The following CPED1 variants were observed in gnomAD, a reference collection of about 807,000 sequenced individuals.
The protein encoded by CPED1 is cadherin-like and PC-esterase domain-containing protein 1.
Under a neutral mutation model 128.2 loss-of-function variants are expected in CPED1, and 114 were observed. The ratio of observed to expected loss-of-function variants is 0.89; its 90% CI spans 0.76 to 1.04. The LOEUF is 1.04. Ranked by LOEUF, CPED1 falls within the 50% of genes least tolerant of loss-of-function variation. The pLI is 0.00. For synonymous variants in CPED1, 462 were observed against 426.7 expected (o/e 1.08, Z -1.02); for missense variants, 1,211 against 1,207.1 (o/e 1.00, Z -0.05).
At position 121,164,973 on chromosome 7, in the gene CPED1, C is replaced by A. The variant is rs551607255; in HGVS notation, c.2055+22832C>A. On this transcript the variant is annotated intron_variant, in intron 16 of 22. Coordinates refer to ENST00000310396, the MANE Select transcript of CPED1 (RefSeq NM_024913.5). ...ATTTTCTCAACTTTTCTGACTCTTC[C>A]TATAAGTGATTCTGAACATCAAAGG... is the stretch of plus-strand genomic sequence containing the variant. Among the ~76,000 whole-genome samples, 6 of 152,228 alleles carry A rather than the reference C, an allele frequency of 3.9e-5. No homozygotes were observed. The East Asian group carries it at 1.2e-3, about 29-fold the overall frequency.
chr7:121,014,324 G>C (rs1485227512), intron 2 of CPED1, among the ~76,000 whole-genome samples: 1 of 152,098 alleles, frequency 6.6e-6, no homozygotes, highest in Non-Finnish European at 1.5e-5. Flanking sequence ...AGGCCGAGGT[G>C]GGCGGATCAC....
intron 16 of CPED1, among the ~76,000 whole-genome samples, chr7:121,154,796 G>T (rs1796247775): frequency 6.6e-6 from 1 of 152,176 alleles, no homozygotes; most frequent in Admixed American, 6.5e-5. Context: ...CGCCCACCTC[G>T]GCCTCCCAAA....
At chr7:121,034,669 A>C (rs1241631919) in intron 3 of CPED1, among the ~76,000 whole-genome samples, 1 of 152,198 alleles carries the variant, frequency 6.6e-6, no homozygotes, top group Non-Finnish European at 1.5e-5. Flanking sequence ...TTACAAAGGT[A>C]AGACCTTTCA....
chr7:121,255,976 A>G (rs967402890), intron 18 of CPED1, among the ~76,000 whole-genome samples: 6 of 151,976 alleles, frequency 3.9e-5, no homozygotes, highest in Non-Finnish European at 5.9e-5. Context: ...TAAAATGGCC[A>G]TACTGCCCAA....
At chr7:121,092,417 T>G (rs1292798693) in intron 5 of CPED1, among the ~76,000 whole-genome samples, 2 of 152,174 alleles carry the variant, frequency 1.3e-5, no homozygotes, top group African/African-American at 4.8e-5. Context: ...AAGTATAGAT[T>G]TATCTGAGAT....
At chr7:121,071,615 A>T (rs1793991304) in intron 5 of CPED1, among the ~76,000 whole-genome samples, 2 of 152,018 alleles carry the variant, frequency 1.3e-5, no homozygotes, top group Admixed American at 1.3e-4. Context: ...TCCTGGGTTC[A>T]AATGATCCTT....
intron 22 of CPED1, among the ~76,000 whole-genome samples, chr7:121,286,979 G>T (rs375863010): frequency 3.1e-4 from 47 of 152,292 alleles, no homozygotes; most frequent in African/African-American, 1.0e-3. Flanking sequence ...GGAAGGAGAA[G>T]TGCCAAGTGA....
At position 121,147,605 on chromosome 7, in the gene CPED1, A is replaced by G. The variant is rs115621737; in HGVS notation, c.2055+5464A>G. ...GTTTTGACATGGGGAACAATATAAT[A>G]TTCACACAAGTTGATTTGTATAGAT... On this transcript the variant is annotated intron_variant, in intron 16 of 22. Coordinates refer to ENST00000310396, the MANE Select transcript of CPED1 (RefSeq NM_024913.5). Among the ~76,000 whole-genome samples the G allele has an allele frequency of 9.6e-3, 1,454 of 152,226 alleles. 24 individuals are homozygous for G. The highest frequency in any genetic ancestry group is 0.033 in the African/African-American group (1,356 of 41,548).
intron 14 of CPED1, among the ~76,000 whole-genome samples, chr7:121,137,316 C>A (rs535951815): frequency 7.2e-4 from 110 of 152,076 alleles, no homozygotes; most frequent in African/African-American, 2.6e-3. Flanking sequence ...GGACTATAGG[C>A]ATGAGCTACT....
At chr7:121,212,206 C>T (rs1464142403) in intron 16 of CPED1, among the ~76,000 whole-genome samples, 1 of 152,018 alleles carries the variant, frequency 6.6e-6, no homozygotes, top group Non-Finnish European at 1.5e-5. Flanking sequence ...TTTACTCAGT[C>T]CCCAAATGCA....
chr7:121,187,909 T>C (rs1797040365), intron 16 of CPED1, among the ~76,000 whole-genome samples: 1 of 152,136 alleles, frequency 6.6e-6, no homozygotes, highest in South Asian at 2.1e-4. Flanking sequence ...CCTCTTGATA[T>C]GATGCAATGA....
intron 22 of CPED1, among the ~76,000 whole-genome samples, chr7:121,290,050 T>C (rs1462161715): frequency 1.3e-5 from 2 of 152,178 alleles, no homozygotes; most frequent in Non-Finnish European, 2.9e-5. Context: ...AGTGAGACCA[T>C]GCGGTGTTTG....
chr7:121,002,885 T>C (rs1791900359), intron 2 of CPED1, among the ~76,000 whole-genome samples: 1 of 152,206 alleles, frequency 6.6e-6, no homozygotes, highest in South Asian at 2.1e-4. Flanking sequence ...CAATAATGTG[T>C]ACGTAATCCT....
chr7:121,238,124 G>A (rs1798302371), intron 17 of CPED1, among the ~76,000 whole-genome samples: 1 of 152,136 alleles, frequency 6.6e-6, no homozygotes, highest in African/African-American at 2.4e-5. Flanking sequence ...TTCAAGAAGT[G>A]GCAGCTTGTT....
intron 16 of CPED1, among the ~76,000 whole-genome samples, chr7:121,147,610 C>T (rs193175198): frequency 6.6e-6 from 1 of 152,128 alleles, no homozygotes; most frequent in Non-Finnish European, 1.5e-5. Flanking sequence ...ATAATATTCA[C>T]ACAAGTTGAT....
At chr7:121,028,956 T>C (rs1322156554) in intron 3 of CPED1, among the ~76,000 whole-genome samples, 2 of 152,128 alleles carry the variant, frequency 1.3e-5, no homozygotes. Flanking sequence ...ATTAGTTTAA[T>C]AGCTAATAAT....
chr7:121,093,228 GA>G (rs1234220936), intron 5 of CPED1, among the ~76,000 whole-genome samples: 1 of 151,868 alleles, frequency 6.6e-6, no homozygotes, highest in African/African-American at 2.4e-5. Context: ...CATGGTGAAG[GA>G]AAAAAATTAG....
intron 5 of CPED1, among the ~76,000 whole-genome samples, chr7:121,074,077 A>T (rs1354479031): frequency 1.3e-5 from 2 of 152,060 alleles, no homozygotes. Flanking sequence ...ACTGTGTATA[A>T]TGAGCCTTAA....
At chr7:121,294,633 G>A (rs926380853) in intron 22 of CPED1, among the ~76,000 whole-genome samples, 3 of 152,034 alleles carry the variant, frequency 2.0e-5, no homozygotes, top group Non-Finnish European at 4.4e-5. Context: ...GAAGACTGAA[G>A]TATGATAACA....
Sources: gnomAD v4.1 joint callset for allele counts (sites outside exome capture counted in the v4.1 genomes callset) on GRCh38, gnomAD v4.1.1 for gene constraint, MANE v1.5 for transcripts, NCBI Gene and HGNC (gene_info 2026-07-23, HGNC 2026-07-21) for gene names.